The following ANK3 variants were observed in gnomAD, a reference collection of about 807,000 sequenced individuals.
ANK3 encodes ankyrin 3, also known as ankyrin-3.
In ANK3, 57 loss-of-function variants were observed where a neutral mutation model predicts 370.9. That is an observed-to-expected ratio of 0.15 (90% CI 0.12 to 0.19). The LOEUF (loss-of-function observed/expected upper bound fraction) is 0.19, where lower values mean the gene tolerates loss of function less well. ANK3 is among the 10% of genes least tolerant of loss of function. The pLI is 1.00. For synonymous variants in ANK3, 1,929 were observed against 1,946.3 expected (o/e 0.99, Z 0.23); for missense variants, 4,439 against 5,302.1 (o/e 0.84, Z 5.06).
chr10:60,403,666 C>A (rs952175434), intron 2 of ANK3, among the ~76,000 whole-genome samples: 1 of 152,284 alleles, frequency 6.6e-6, no homozygotes, highest in South Asian at 2.1e-4. Flanking sequence ...CGGCTCATTG[C>A]AAGCTCCACC....
intron 42 of ANK3, among the ~76,000 whole-genome samples, chr10:60,052,481 A>C (rs775484449): frequency 2.6e-5 from 4 of 152,236 alleles, no homozygotes; most frequent in Non-Finnish European, 5.9e-5. Flanking sequence ...GAAAGCTTGA[A>C]ATCTTTTTTT....
chr10:60,169,726 A>C, intron 21 of ANK3, among the ~76,000 whole-genome samples: 1 of 152,132 alleles, frequency 6.6e-6, no homozygotes, highest in African/African-American at 2.4e-5. Flanking sequence ...TTATTGAATT[A>C]CTTATGTATA....
chr10:60,606,121 C>T (rs1483186387), intron 2 of ANK3, among the ~76,000 whole-genome samples: 1 of 152,082 alleles, frequency 6.6e-6, no homozygotes, highest in East Asian at 1.9e-4. Flanking sequence ...GCAATATTGA[C>T]AATTAGAAAA....
At chr10:60,613,839 C>T (rs1049028436) in intron 2 of ANK3, among the ~76,000 whole-genome samples, 6 of 152,110 alleles carry the variant, frequency 3.9e-5, no homozygotes, top group African/African-American at 7.2e-5. Context: ...TTTGGGAGGT[C>T]GAAGCAGGCA....
intron 2 of ANK3, among the ~76,000 whole-genome samples, chr10:60,415,429 A>T (rs2063641737): frequency 6.6e-6 from 1 of 152,126 alleles, no homozygotes; most frequent in African/African-American, 2.4e-5. Context: ...CTGCCAGATG[A>T]CATCAGTGGT....
At chr10:60,307,265 A>T (rs2045348590) in intron 1 of ANK3, among the ~76,000 whole-genome samples, 1 of 152,144 alleles carries the variant, frequency 6.6e-6, no homozygotes, top group Non-Finnish European at 1.5e-5. Context: ...TTTTCAGAGA[A>T]AGTTTTCTGA....
intron 21 of ANK3, among the ~76,000 whole-genome samples, chr10:60,171,976 A>T (rs2095804033): frequency 6.6e-6 from 1 of 152,204 alleles, no homozygotes; most frequent in Admixed American, 6.5e-5. Flanking sequence ...GCTGCCAAGG[A>T]AGGATGTTAA....
chr10:60,223,013 C>G (rs2097087741), intron 8 of ANK3, among the ~76,000 whole-genome samples: 1 of 152,142 alleles, frequency 6.6e-6, no homozygotes, highest in Non-Finnish European at 1.5e-5. Context: ...GACAAAGATG[C>G]TCTTCCTTGA....
intron 1 of ANK3, among the ~76,000 whole-genome samples, chr10:60,341,995 G>T (rs2054390129): frequency 6.6e-6 from 1 of 152,122 alleles, no homozygotes; most frequent in Non-Finnish European, 1.5e-5. Context: ...TTCATGAGAG[G>T]GAGTGGGTTT....
intron 1 of ANK3, chr10:60,615,332 A>C (rs1035959406): frequency 1.8e-5 from 12 of 668,936 alleles, no homozygotes; most frequent in Admixed American, 3.8e-5. Context: ...AAACATAGTA[A>C]GTTCCTTAAA....
At chr10:60,304,650 A>G (rs1176340145) in intron 1 of ANK3, among the ~76,000 whole-genome samples, 1 of 152,182 alleles carries the variant, frequency 6.6e-6, no homozygotes, top group Non-Finnish European at 1.5e-5. Flanking sequence ...CTCGAAAAAA[A>G]GAAAAAATTG....
At position 60,033,032 on chromosome 10, in the gene ANK3, C is replaced by T. The variant is rs145383271; in HGVS notation, c.*20-3206G>A. 6.4e-3 allele frequency among the ~76,000 whole-genome samples: 976 copies of T among 152,274 alleles called. 4 individuals carry two copies. Among genetic ancestry groups the T allele is most frequent in the Middle Eastern group, 0.02 (6 of 294 alleles). On this transcript the variant is annotated intron_variant, in intron 43 of 43. Coordinates refer to ENST00000280772, the MANE Select transcript of ANK3 (RefSeq NM_020987.5). ...ACATTTCAGAAATAGAATTTTGACT[C>T]ATCTCCCTTTTCTGGTTTAGATAAT...
At chr10:60,671,974 AGATCATGAATCG>A (rs1444487554) in intron 1 of ANK3, among the ~76,000 whole-genome samples, 1 of 152,250 alleles carries the variant, frequency 6.6e-6, no homozygotes, top group East Asian at 1.9e-4. Context: ...ACTTAGTGAG[AGATCATGAATCG>A]GAAACCCCTA....
At chr10:60,684,693 G>T in intron 1 of ANK3, 2 of 1,587,834 alleles carry the variant, frequency 1.3e-6, no homozygotes, top group Non-Finnish European at 1.7e-6. Context: ...AGGTAAACTT[G>T]AGAAATTCTA....
chr10:60,571,314 A>C (rs572708970), intron 2 of ANK3, among the ~76,000 whole-genome samples: 46 of 152,334 alleles, frequency 3.0e-4, no homozygotes, highest in Admixed American at 7.2e-4. Context: ...GTCTGCTGGT[A>C]GTAGGTCCCT....
At chr10:60,698,319 T>TC (rs2079492874) in intron 1 of ANK3, among the ~76,000 whole-genome samples, 1 of 151,096 alleles carries the variant, frequency 6.6e-6, no homozygotes, top group African/African-American at 2.4e-5. Flanking sequence ...GTAAACTAGT[T>TC]CAACCATTGT....
intron 40 of ANK3, chr10:60,062,093 C>T (rs1003231762): frequency 6.6e-6 from 1 of 152,054 alleles, no homozygotes; most frequent in African/African-American, 2.4e-5. Context: ...TGGTGAAACC[C>T]CCATCTTTAC....
intron 1 of ANK3, among the ~76,000 whole-genome samples, chr10:60,365,180 T>C (rs2059227045): frequency 6.6e-6 from 1 of 151,466 alleles, no homozygotes; most frequent in African/African-American, 2.4e-5. Flanking sequence ...AAGATATTCT[T>C]TATAAAGATC....
chr10:60,606,718 C>T (rs2078133710), intron 2 of ANK3, among the ~76,000 whole-genome samples: 1 of 152,156 alleles, frequency 6.6e-6, no homozygotes, highest in South Asian at 2.1e-4. Flanking sequence ...AGAGAGGAGT[C>T]TGAGAAGAAA....
Sources: gnomAD v4.1 joint callset for allele counts (sites outside exome capture counted in the v4.1 genomes callset) on GRCh38, gnomAD v4.1.1 for gene constraint, MANE v1.5 for transcripts, NCBI Gene and HGNC (gene_info 2026-07-23, HGNC 2026-07-21) for gene names.